The following ADGRB3 variants were observed in gnomAD, a reference collection of about 807,000 sequenced individuals.
ADGRB3 encodes the protein adhesion G protein-coupled receptor B3, also known as brain-specific angiogenesis inhibitor 3.
Under a neutral mutation model 193.4 loss-of-function variants are expected in ADGRB3, and 37 were observed. The ratio of observed to expected loss-of-function variants is 0.19; its 90% CI spans 0.15 to 0.25. ADGRB3 has a LOEUF of 0.25. Among genes scored for constraint, ADGRB3 ranks in the 10% least tolerant of loss-of-function variants. ADGRB3 has a pLI of 1.00. For missense variants in ADGRB3, 1,637 were observed against 1,852.9 expected (o/e 0.88, Z 2.14); for synonymous variants, 690 against 644.2 (o/e 1.07, Z -1.08).
intron 16 of ADGRB3, among the ~76,000 whole-genome samples, chr6:69,074,615 A>G (rs1772173907): frequency 7.0e-6 from 1 of 143,590 alleles, no homozygotes; most frequent in African/African-American, 2.6e-5. Flanking sequence ...ATCTCGGCTC[A>G]CTCACTGCAA....
intron 3 of ADGRB3, among the ~76,000 whole-genome samples, chr6:68,882,363 C>G (rs1765756602): frequency 6.6e-6 from 1 of 152,176 alleles, no homozygotes; most frequent in Non-Finnish European, 1.5e-5. Flanking sequence ...ATTTAAACCA[C>G]AGGATACTGA....
intron 3 of ADGRB3, among the ~76,000 whole-genome samples, chr6:68,920,792 C>G (rs1458866045): frequency 2.0e-5 from 3 of 150,520 alleles, no homozygotes; most frequent in African/African-American, 7.4e-5. Context: ...AATGAAGAAA[C>G]TAAAAAAAAA....
Position 69,024,962 on chromosome 6 carries a change from G to A in ADGRB3, c.2107+6463G>A, listed in dbSNP as rs1016239934. Among the ~76,000 whole-genome samples the A allele has an allele frequency of 1.3e-5, 2 of 151,756 alleles. 1 individual carries two copies. Among genetic ancestry groups the A allele is most frequent in the South Asian group, 4.2e-4 (2 of 4,818 alleles). On this transcript the variant is annotated intron_variant, in intron 13 of 31. Coordinates refer to ENST00000370598, the MANE Select transcript of ADGRB3 (RefSeq NM_001704.3). ...AAAAAATTAGCCGGGCGTGGTGGCG[G>A]GCACCTGTAGTCCCAGCTACTTGGG...
intron 11 of ADGRB3, among the ~76,000 whole-genome samples, chr6:69,011,223 T>C (rs1474545174): frequency 6.6e-6 from 1 of 151,126 alleles, no homozygotes; most frequent in African/African-American, 2.4e-5. Flanking sequence ...CTGAAAGAAA[T>C]GGTGCTAAAT....
intron 3 of ADGRB3, among the ~76,000 whole-genome samples, chr6:68,831,939 C>T (rs1320423538): frequency 1.3e-5 from 2 of 152,112 alleles, no homozygotes; most frequent in African/African-American, 4.8e-5. Flanking sequence ...ATGATCCGAG[C>T]CCAAATGGAC....
intron 16 of ADGRB3, among the ~76,000 whole-genome samples, chr6:69,070,292 A>G (rs1772042829): frequency 6.6e-6 from 1 of 152,210 alleles, no homozygotes; most frequent in South Asian, 2.1e-4. Flanking sequence ...TCTGAATAAA[A>G]AATAGAGTAA....
At chr6:69,368,996 G>T (rs573408615) in intron 29 of ADGRB3, among the ~76,000 whole-genome samples, 1 of 152,124 alleles carries the variant, frequency 6.6e-6, no homozygotes, top group South Asian at 2.1e-4. Context: ...TTTACGTTAG[G>T]TTATTTGCAA....
chr6:68,777,491 A>T (rs930329632), intron 3 of ADGRB3, among the ~76,000 whole-genome samples: 2 of 152,080 alleles, frequency 1.3e-5, no homozygotes, highest in East Asian at 3.9e-4. Context: ...CATATTAACG[A>T]CCAGTAATAA....
At chr6:69,157,414 A>G (rs1337649378) in intron 17 of ADGRB3, among the ~76,000 whole-genome samples, 1 of 152,148 alleles carries the variant, frequency 6.6e-6, no homozygotes, top group Non-Finnish European at 1.5e-5. Flanking sequence ...GCTCAAAGAA[A>G]TTACTTGATG....
At chr6:69,175,910 G>A (rs1378196024) in intron 17 of ADGRB3, among the ~76,000 whole-genome samples, 2 of 152,094 alleles carry the variant, frequency 1.3e-5, no homozygotes, top group Non-Finnish European at 2.9e-5. Flanking sequence ...AAATGGGATT[G>A]CATTCTTGAT....
intron 17 of ADGRB3, among the ~76,000 whole-genome samples, chr6:69,084,670 G>T (rs1772495359): frequency 6.6e-6 from 1 of 152,110 alleles, no homozygotes; most frequent in Non-Finnish European, 1.5e-5. Context: ...TTGAGGTTAT[G>T]AAATTGAAAA....
intron 17 of ADGRB3, among the ~76,000 whole-genome samples, chr6:69,147,388 A>AT (rs1774534319): frequency 6.6e-6 from 1 of 152,068 alleles, no homozygotes; most frequent in Non-Finnish European, 1.5e-5. Context: ...TCCTTCTTAA[A>AT]TTTTTTATTA....
At chr6:69,047,376 A>G (rs1771267827) in intron 13 of ADGRB3, among the ~76,000 whole-genome samples, 1 of 150,796 alleles carries the variant, frequency 6.6e-6, no homozygotes, top group Non-Finnish European at 1.5e-5. Flanking sequence ...TTATAAATTT[A>G]TATGTAATAT....
intron 3 of ADGRB3, among the ~76,000 whole-genome samples, chr6:68,831,167 CA>C (rs1767944360): frequency 6.6e-6 from 1 of 151,382 alleles, no homozygotes; most frequent in Non-Finnish European, 1.5e-5. Flanking sequence ...GCACATTTGA[CA>C]AAGCTATAGA....
intron 10 of ADGRB3, among the ~76,000 whole-genome samples, chr6:68,983,216 T>A (rs1287175369): frequency 6.6e-6 from 1 of 151,928 alleles, no homozygotes. Context: ...ATAAATATAC[T>A]TTTTTTCTAT....
rs1767922977 is a variant in ADGRB3, at chr6:68,635,450, G to T, written c.-738G>T. 6.6e-6 allele frequency: 1 copy of T among 152,276 alleles called. No individual in the cohort carries two copies. Among genetic ancestry groups the T allele is most frequent in the African/African-American group, 2.4e-5 (1 of 41,394 alleles). 9.4% of individuals were successfully genotyped at this position (152,276 alleles called of 1,614,324 possible). ...CATCAGTACCTGCAGGGGGGAGGAGGAGGAGGGAGGAAAGCGGAAAGAGGA... is the reference window on the plus strand; with the variant it reads ...CATCAGTACCTGCAGGGGGGAGGAGTAGGAGGGAGGAAAGCGGAAAGAGGA... On this transcript the variant is annotated 5_prime_UTR_variant, in exon 1 of 32. Coordinates refer to ENST00000370598, the MANE Select transcript of ADGRB3 (RefSeq NM_001704.3).
At chr6:69,050,902 A>G (rs1771374375) in intron 15 of ADGRB3, among the ~76,000 whole-genome samples, 1 of 152,182 alleles carries the variant, frequency 6.6e-6, no homozygotes, top group African/African-American at 2.4e-5. Flanking sequence ...TAAATTTTTT[A>G]GATTAGTTTC....
chr6:69,000,851 C>G (rs1185795323), intron 11 of ADGRB3, among the ~76,000 whole-genome samples: 1 of 152,124 alleles, frequency 6.6e-6, no homozygotes, highest in Non-Finnish European at 1.5e-5. Flanking sequence ...ATCTGTGAAT[C>G]ATGAAGATTA....
In ADGRB3 at chr6:68,868,724, T is replaced by G. The variant is rs189606764; in HGVS notation, c.758-61835T>G. Among the ~76,000 whole-genome samples the G allele has an allele frequency of 6.2e-3, 950 of 152,312 alleles. 10 individuals are homozygous for G. Among genetic ancestry groups the G allele is most frequent in the African/African-American group, 0.021 (873 of 41,568 alleles). ...GTCATAACCTTGATAACTATTATTA[T>G]CTTTCTCTGAGATGCTTTGAATAAA... On this transcript the variant is annotated intron_variant, in intron 3 of 31. Transcript: ENST00000370598.
Sources: gnomAD v4.1 joint callset for allele counts (sites outside exome capture counted in the v4.1 genomes callset) on GRCh38, gnomAD v4.1.1 for gene constraint, MANE v1.5 for transcripts, NCBI Gene and HGNC (gene_info 2026-07-23, HGNC 2026-07-21) for gene names.